PEX5: variants seen among roughly 807,000 people sequenced by gnomAD.
The protein encoded by PEX5 is PTS1 receptor.
PEX5 carries 52 observed loss-of-function variants against 82.9 expected under a neutral mutation model. The observed-to-expected ratio is 0.63, with a 90% CI of 0.50 to 0.79. PEX5 has a LOEUF of 0.79. PEX5 is among the 30% of genes least tolerant of loss of function. The probability of loss-of-function intolerance (pLI) is 0.00; values close to 1 mark genes in which losing one functional copy is unlikely to be tolerated. For synonymous variants in PEX5, 300 were observed against 318.8 expected, an observed-to-expected ratio of 0.94 and a Z score of 0.63; for missense variants, 719 against 815.2, an observed-to-expected ratio of 0.88 and a Z score of 1.44.
intron 3 of PEX5, 72 bp from the exon 4 acceptor site, chr12:7,191,154 C>G: frequency 1.3e-6 from 2 of 1,556,308 alleles, no homozygotes; most frequent in Non-Finnish European, 1.8e-6. Flanking sequence ...TGGGATCCCC[C>G]TCCAGTGGGT....
In PEX5 at chr12:7,208,455, A is replaced by G; in HGVS notation, c.1182-2A>G. The stretch of plus-strand genomic sequence containing the variant: ...CAAGTCTGCCCATCCCTGATCAAAC[A>G]GGTGTCTGGAGCTAAAGCCAGATAA... On this transcript the variant is annotated splice_acceptor_variant, in intron 12 of 15. Transcript: ENST00000675855. LOFTEE classifies it high-confidence loss of function. 6.2e-7 allele frequency: 1 copy of G among 1,611,448 alleles called. No individual in the cohort carries two copies. Among genetic ancestry groups the G allele is most frequent in the Non-Finnish European group, 8.5e-7 (1 of 1,177,618 alleles).
In PEX5 at chr12:7,192,523, A is replaced by G. The variant is rs781367538; in HGVS notation, c.448+823A>G. Reference sequence around the variant, plus strand: ...GATTGATTCTTCTTGCCCTAAGCCTATCTAATCAGGTACATGGTGGGAAGG... The same window carrying G: ...GATTGATTCTTCTTGCCCTAAGCCTGTCTAATCAGGTACATGGTGGGAAGG... On this transcript the variant is annotated intron_variant, in intron 5 of 15. Coordinates refer to ENST00000675855, the MANE Select transcript of PEX5 (RefSeq NM_001351132.2). Among the ~76,000 whole-genome samples the G allele has an allele frequency of 2.0e-5, 3 of 152,294 alleles. No homozygotes were observed. In the South Asian group the frequency reaches 6.2e-4, roughly 32 times the overall value.
intron 3 of PEX5, 40 bp downstream of exon 3, chr12:7,190,963 G>T (rs1156543853): frequency 8.2e-6 from 13 of 1,587,704 alleles, no homozygotes; most frequent in Non-Finnish European, 1.0e-5. Flanking sequence ...TTTTTCTCTT[G>T]CCCACTGTGT....
downstream of PEX5, among the ~76,000 whole-genome samples, chr12:7,216,104 A>C (rs1945771879): frequency 1.3e-5 from 2 of 152,022 alleles, no homozygotes; most frequent in Non-Finnish European, 2.9e-5. Flanking sequence ...AGTAGCTGCT[A>C]TTACAGGCGC....
intron 5 of PEX5, among the ~76,000 whole-genome samples, chr12:7,197,157 T>TCATATATAATGTAATTATATATGA (rs1942632169): frequency 9.1e-6 from 1 of 110,382 alleles, no homozygotes; most frequent in African/African-American, 3.6e-5. Context: ...ATTATATATG[T>TCATATATAATGTAATTATATATGA]CATATATAAT....
At chr12:7,197,238 A>ATTATATATGTCATATATAATG (rs1176102981) in intron 5 of PEX5, among the ~76,000 whole-genome samples, 9 of 27,850 alleles carry the variant, frequency 3.2e-4, no homozygotes, top group Non-Finnish European at 4.2e-4. Flanking sequence ...GTCATATGTA[A>ATTATATATGTCATATATAATG]TAATTATATG....
At chr12:7,202,794 G>A (rs751673453) in intron 9 of PEX5, 90 bp downstream of exon 9, 3 of 910,800 alleles carry the variant, frequency 3.3e-6, no homozygotes, top group Admixed American at 1.8e-5. Context: ...GATGCAAATT[G>A]TATTTCATAG....
chr12:7,191,058 T>C (rs938762716), intron 3 of PEX5, 135 bp downstream of exon 3: 2 of 1,189,496 alleles, frequency 1.7e-6, no homozygotes, highest in Non-Finnish European at 2.5e-6. Context: ...TTTAAATGTA[T>C]TTTTTCGTCC....
chr12:7,189,681 G>C (rs2135858006), upstream of PEX5: 3 of 324,220 alleles, frequency 9.3e-6, no homozygotes, highest in Non-Finnish European at 5.5e-6. Flanking sequence ...CTGGCTCCCC[G>C]CCCCCTCTTC....
chr12:7,202,439 A>G (rs1944210176), intron 8 of PEX5, 88 bp downstream of exon 8: 1 of 1,527,490 alleles, frequency 6.5e-7, no homozygotes, highest in Non-Finnish European at 9.0e-7. Context: ...CAGATGGGGA[A>G]GGATAAGACC....
chr12:7,214,130 GTAAAC>G (rs1400103340), downstream of PEX5, among the ~76,000 whole-genome samples: 1 of 152,148 alleles, frequency 6.6e-6, no homozygotes, highest in African/African-American at 2.4e-5. Flanking sequence ...TGGTGGGACT[GTAAAC>G]TAGTTCAACC....
Position 7,209,704 on chromosome 12 carries a change from C to G in PEX5, c.1582C>G (p.Leu528Val). Residue 528 changes from leucine to valine, a missense_variant, in exon 15 of 16, where the codon CTA becomes GTA. Coordinates refer to ENST00000675855, the MANE Select transcript of PEX5 (RefSeq NM_001351132.2). ...RPNDYLLWNKLGATLANGNQS... is the reference protein window; with the variant it reads ...RPNDYLLWNKVGATLANGNQS... Reference sequence around the variant, plus strand: ...CCAGGACTATTTGCTGTGGAATAAGCTAGGCGCCACCCTGGCCAATGGAAA... The same window carrying G: ...CCAGGACTATTTGCTGTGGAATAAGGTAGGCGCCACCCTGGCCAATGGAAA... 7.0e-7 allele frequency: 1 copy of G among 1,420,136 alleles called. No homozygotes were observed. 88.0% of individuals were successfully genotyped at this position (1,420,136 alleles called of 1,614,324 possible). A position where few individuals can be genotyped will look rare whatever the true frequency, so the allele number is the denominator to read the frequency against.
intron 6 of PEX5, among the ~76,000 whole-genome samples, chr12:7,200,451 G>A (rs1428416827): frequency 6.6e-5 from 10 of 151,818 alleles, no homozygotes; most frequent in African/African-American, 1.2e-4. Flanking sequence ...GACGATGGGC[G>A]GCCAGGCAGA....
Position 7,210,816 on chromosome 12 carries a change from A to C in PEX5, c.*593A>C. On this transcript the variant is annotated 3_prime_UTR_variant, in exon 16 of 16. Transcript: ENST00000675855. Reference sequence around the variant, plus strand: ...TGAGCTCTGATTCCCTGTGAGCACGATGCTGATGCAATAGTCCTGTGTCAT... The same window carrying C: ...TGAGCTCTGATTCCCTGTGAGCACGCTGCTGATGCAATAGTCCTGTGTCAT... 1 of 200,914 alleles carries C rather than the reference A, an allele frequency of 5.0e-6. No homozygotes were observed. Among genetic ancestry groups the C allele is most frequent in the South Asian group, 9.5e-5 (1 of 10,480 alleles). 12.4% of individuals were successfully genotyped at this position (200,914 alleles called of 1,614,324 possible).
Position 7,202,628 on chromosome 12 carries a change from G to C in PEX5, c.770G>C (p.Trp257Ser), listed in dbSNP as rs374588722. ...TTGTCGCAGGGTACATCAGATGCCT[G>C]GGTTGACCAGTTCACAAGACCAGTA... ...FIQQQGTSDA[W>S]VDQFTRPVNT... The change falls in exon 9 of 16, where the codon TGG (tryptophan) becomes TCG (serine). Residue 257 changes from tryptophan to serine, a missense_variant. Trp to Ser is a radical substitution (Grantham distance 177, BLOSUM62 -3). Transcript: ENST00000675855. 6.2e-7 allele frequency: 1 copy of C among 1,614,084 alleles called. No homozygotes were observed. The highest frequency in any genetic ancestry group is 8.5e-7 in the Non-Finnish European group (1 of 1,179,952).
At chr12:7,202,158 G>A in intron 7 of PEX5, 83 bp from the exon 8 acceptor site, 2 of 1,608,454 alleles carry the variant, frequency 1.2e-6, no homozygotes, top group Non-Finnish European at 1.7e-6. Context: ...GGAGGGGTGA[G>A]TACAGGGTCC....
Position 7,211,348 on chromosome 12 carries a change from T to C in PEX5, c.*1125T>C, listed in dbSNP as rs1340516670. On this transcript the variant is annotated 3_prime_UTR_variant, in exon 16 of 16. Transcript: ENST00000675855. ...CTTTAGTAGCTAATGATCAGAGAGATTTTTTTTTTAAACTACCATGGTCCC... is the reference window on the plus strand; with the variant it reads ...CTTTAGTAGCTAATGATCAGAGAGACTTTTTTTTTAAACTACCATGGTCCC... 2 of 70,430 alleles carry C rather than the reference T, an allele frequency of 2.8e-5. No homozygotes were observed. Among genetic ancestry groups the C allele is most frequent in the Admixed American group, 1.0e-4 (1 of 9,570 alleles). 4.4% of individuals were successfully genotyped at this position (70,430 alleles called of 1,614,324 possible). A position where few individuals can be genotyped will look rare whatever the true frequency, so the allele number is the denominator to read the frequency against.
chr12:7,209,225 C>G, intron 14 of PEX5, 55 bp downstream of exon 14: 1 of 1,573,256 alleles, frequency 6.4e-7, no homozygotes, highest in Non-Finnish European at 8.7e-7. Flanking sequence ...TATTGAAGAG[C>G]CATTTGTTGG....
chr12:7,200,402 C>T (rs770913001), intron 6 of PEX5, among the ~76,000 whole-genome samples: 115 of 150,126 alleles, frequency 7.7e-4, no homozygotes, highest in Non-Finnish European at 1.1e-3. Flanking sequence ...CCTCACTTTC[C>T]AGACTGGGCA....
Sources: gnomAD v4.1 joint callset for allele counts (sites outside exome capture counted in the v4.1 genomes callset) on GRCh38, gnomAD v4.1.1 for gene constraint, MANE v1.5 for transcripts, NCBI Gene and HGNC (gene_info 2026-07-23, HGNC 2026-07-21) for gene names.